Variants in UIMC1 observed in about 807,000 individuals in gnomAD.
UIMC1 encodes BRCA1-A complex subunit RAP80.
A neutral mutation model predicts 84.9 loss-of-function variants in UIMC1; 42 were observed. That is an observed-to-expected ratio of 0.49 (90% CI 0.39 to 0.64). The LOEUF is 0.64. Ranked by LOEUF, UIMC1 falls within the 30% of genes least tolerant of loss-of-function variation. The probability of loss-of-function intolerance (pLI) is 0.00; values close to 1 mark genes in which losing one functional copy is unlikely to be tolerated. For missense variants in UIMC1, 825 were observed against 847.6 expected (o/e 0.97, Z 0.33); for synonymous variants, 281 against 293.0 (o/e 0.96, Z 0.42).
intron 1 of UIMC1, among the ~76,000 whole-genome samples, chr5:177,012,350 A>G (rs1275620759): frequency 6.6e-6 from 1 of 152,098 alleles, no homozygotes; most frequent in Non-Finnish European, 1.5e-5. Flanking sequence ...GACCACCACC[A>G]CAAAGCCCCT....
intron 10 of UIMC1, among the ~76,000 whole-genome samples, chr5:176,938,002 G>A (rs898152262): frequency 6.6e-6 from 1 of 151,870 alleles, no homozygotes; most frequent in Admixed American, 6.6e-5. Flanking sequence ...ACCAGCCTAA[G>A]CAGCATAAAA....
chr5:176,973,820 T>C (rs553400173), intron 3 of UIMC1, among the ~76,000 whole-genome samples: 1 of 152,032 alleles, frequency 6.6e-6, no homozygotes, highest in Admixed American at 6.6e-5. Context: ...AGAGGATCAC[T>C]TGAGCCCAGG....
At chr5:176,916,364 A>C (rs1038360808) in intron 10 of UIMC1, among the ~76,000 whole-genome samples, 1 of 152,176 alleles carries the variant, frequency 6.6e-6, no homozygotes. Context: ...CTTATATTCC[A>C]CTGCATGGGA....
At chr5:177,021,196 T>C (rs1039757257) in intron 1 of UIMC1, among the ~76,000 whole-genome samples, 5 of 152,174 alleles carry the variant, frequency 3.3e-5, no homozygotes, top group African/African-American at 9.7e-5. Context: ...GAGAATTGCT[T>C]GAACCCGGGA....
chr5:176,984,435 G>A (rs545383244), intron 1 of UIMC1, among the ~76,000 whole-genome samples: 28 of 146,540 alleles, frequency 1.9e-4, no homozygotes, highest in East Asian at 1.2e-3. Flanking sequence ...AGTGGGGAGC[G>A]CCTCTGCCCG....
intron 8 of UIMC1, among the ~76,000 whole-genome samples, chr5:176,952,629 T>C (rs1413457281): frequency 6.6e-6 from 1 of 152,208 alleles, no homozygotes; most frequent in Non-Finnish European, 1.5e-5. Flanking sequence ...TCCTATCTAG[T>C]CTTTTATTTT....
Position 177,000,359 on chromosome 5 carries a change from C to G in UIMC1, c.-9+6291G>C, listed in dbSNP as rs371232151. Among the ~76,000 whole-genome samples the G allele has an allele frequency of 7.3e-4, 111 of 152,242 alleles. 1 individual carries two copies. Among genetic ancestry groups the G allele is most frequent in the Middle Eastern group, 6.8e-3 (2 of 292 alleles). On this transcript the variant is annotated intron_variant, in intron 1 of 14. Coordinates refer to ENST00000511320, the MANE Select transcript of UIMC1 (RefSeq NM_001199298.2). Reference sequence around the variant, plus strand: ...GGGTTCCCTTTACCCCACATCCTTGCCAGCATTTCCTATTACGTGTTTTTG... The same window carrying G: ...GGGTTCCCTTTACCCCACATCCTTGGCAGCATTTCCTATTACGTGTTTTTG...
chr5:176,977,787 G>A (rs750111221), intron 2 of UIMC1, among the ~76,000 whole-genome samples: 24 of 151,708 alleles, frequency 1.6e-4, no homozygotes, highest in Non-Finnish European at 3.2e-4. Context: ...GCAGGCACCT[G>A]TAATCCCAGC....
chr5:176,909,973 A>G (rs1424220433), intron 11 of UIMC1, among the ~76,000 whole-genome samples: 2 of 152,210 alleles, frequency 1.3e-5, no homozygotes, highest in Non-Finnish European at 2.9e-5. Context: ...CTTACAAACA[A>G]GGCACCTAGC....
At chr5:176,977,955 CA>C (rs1358617874) in intron 2 of UIMC1, among the ~76,000 whole-genome samples, 2 of 151,760 alleles carry the variant, frequency 1.3e-5, no homozygotes, top group East Asian at 1.9e-4. Flanking sequence ...AAAACAAAAA[CA>C]AAAAACAAAC....
chr5:176,988,596 G>GTAATTGCACAA (rs1440878667), intron 1 of UIMC1, among the ~76,000 whole-genome samples: 1 of 151,928 alleles, frequency 6.6e-6, no homozygotes, highest in Non-Finnish European at 1.5e-5. Flanking sequence ...TTAGAAAGTG[G>GTAATTGCACAA]TAATTGCACA....
intron 9 of UIMC1, among the ~76,000 whole-genome samples, chr5:176,948,139 C>T (rs1297010490): frequency 6.6e-6 from 1 of 152,168 alleles, no homozygotes; most frequent in Non-Finnish European, 1.5e-5. Flanking sequence ...CTTCTATTAG[C>T]TCCTCTGAGA....
chr5:176,985,105 AAT>A (rs2149511805), intron 1 of UIMC1, among the ~76,000 whole-genome samples: 1 of 152,304 alleles, frequency 6.6e-6, no homozygotes, highest in South Asian at 2.1e-4. Context: ...AAAAAATAAA[AAT>A]ATAGAGGAAT....
At chr5:177,008,706 T>C (rs1456245942), upstream of UIMC1, among the ~76,000 whole-genome samples, 1 of 152,102 alleles carries the variant, frequency 6.6e-6, no homozygotes, top group African/African-American at 2.4e-5. Context: ...ACCACACTCT[T>C]GTGTAATCTC....
intron 10 of UIMC1, among the ~76,000 whole-genome samples, chr5:176,932,647 T>C (rs929072431): frequency 3.9e-5 from 6 of 152,046 alleles, no homozygotes; most frequent in African/African-American, 1.4e-4. Context: ...TATAGCAAAA[T>C]ACATGTATTT....
chr5:177,009,579 A>T (rs1001149222), upstream of UIMC1, among the ~76,000 whole-genome samples: 7 of 152,180 alleles, frequency 4.6e-5, no homozygotes, highest in Non-Finnish European at 8.8e-5. The surrounding 1 kb of genome is among the most constrained non-coding windows in gnomAD (Gnocchi z 4.3). Context: ...TAAGAGAATG[A>T]TGTATTATAT....
intron 2 of UIMC1, among the ~76,000 whole-genome samples, chr5:176,977,147 C>A (rs1477887802): frequency 1.3e-5 from 2 of 149,550 alleles, no homozygotes; most frequent in African/African-American, 2.5e-5. Flanking sequence ...CACTTGAACC[C>A]GGGAGGCAGA....
chr5:176,991,848 C>T (rs1440102214), intron 1 of UIMC1, among the ~76,000 whole-genome samples: 4 of 151,932 alleles, frequency 2.6e-5, no homozygotes, highest in East Asian at 3.9e-4. Context: ...AGGAGAATGG[C>T]GTGAACCTGG....
intron 1 of UIMC1, among the ~76,000 whole-genome samples, chr5:177,020,667 G>C (rs556565539): frequency 6.6e-6 from 1 of 152,070 alleles, no homozygotes; most frequent in Non-Finnish European, 1.5e-5. Flanking sequence ...TTCTGACCTC[G>C]TGATCCACCT....
Sources: allele counts gnomAD v4.1 joint callset (sites outside exome capture counted in the v4.1 genomes callset), GRCh38; gene constraint gnomAD v4.1.1; non-coding constraint Gnocchi (gnomAD v3.1); transcripts MANE v1.5; gene names NCBI Gene and HGNC (gene_info 2026-07-23, HGNC 2026-07-21).